TBC1D4: variants seen among roughly 807,000 people sequenced by gnomAD.
The protein encoded by TBC1D4 is TBC (Tre-2, BUB2, CDC16) domain-containing protein.
A neutral mutation model predicts 142.5 loss-of-function variants in TBC1D4; 121 were observed. The ratio of observed to expected loss-of-function variants is 0.85; its 90% confidence interval spans 0.73 to 0.99. TBC1D4 has a LOEUF of 0.99. TBC1D4 is among the 50% of genes least tolerant of loss of function. TBC1D4 has a pLI of 0.00. For synonymous variants in TBC1D4, 630 were observed against 628.2 expected, an observed-to-expected ratio of 1.00 and a Z score of -0.04; for missense variants, 1,475 against 1,606.6, an observed-to-expected ratio of 0.92 and a Z score of 1.40.
intron 8 of TBC1D4, among the ~76,000 whole-genome samples, chr13:75,330,789 A>C (rs944509043): frequency 6.6e-6 from 1 of 152,124 alleles, no homozygotes; most frequent in Non-Finnish European, 1.5e-5. Flanking sequence ...CTTCAGTTCT[A>C]TGTTATAATT....
chr13:75,364,047 T>C (rs998159578), intron 1 of TBC1D4, among the ~76,000 whole-genome samples: 5 of 152,126 alleles, frequency 3.3e-5, no homozygotes, highest in African/African-American at 1.2e-4. Flanking sequence ...TGTACATTGG[T>C]TCGATCCACA....
At chr13:75,356,369 G>T (rs1336008486) in intron 3 of TBC1D4, 118 bp from the exon 4 acceptor site, 2 of 758,780 alleles carry the variant, frequency 2.6e-6, no homozygotes, top group East Asian at 2.7e-5. Context: ...CTCCTTCACA[G>T]CAATGAAGGG....
rs11292930 is a variant in TBC1D4, at chr13:75,292,724, T to TAA, written c.3317-455_3317-454dup. Among the ~76,000 whole-genome samples, 4 of 141,342 alleles carry TAA rather than the reference T, an allele frequency of 2.8e-5. No individual in the cohort carries two copies. In the East Asian group the frequency reaches 8.5e-4, roughly 30 times the overall value. The allele number at this position is 141,342 out of a possible 152,430, so 92.7% of individuals were successfully genotyped here. On this transcript the variant is annotated intron_variant, in intron 18 of 20. Coordinates refer to ENST00000377636, the MANE Select transcript of TBC1D4 (RefSeq NM_014832.5). ...TTAAATCTATACCACACCAGGAAATTAAAAAAAAAAAAACATTAACAGAAA... is the reference window on the plus strand; with the variant it reads ...TTAAATCTATACCACACCAGGAAATTAAAAAAAAAAAAAAACATTAACAGAAA...
chr13:75,380,797 G>A (rs1220776572), intron 1 of TBC1D4, among the ~76,000 whole-genome samples: 1 of 152,152 alleles, frequency 6.6e-6, no homozygotes, highest in Non-Finnish European at 1.5e-5. Flanking sequence ...CACTGGAAGA[G>A]TTTTCATCAT....
intron 1 of TBC1D4, among the ~76,000 whole-genome samples, chr13:75,462,834 T>C (rs906302385): frequency 2.6e-5 from 4 of 152,154 alleles, no homozygotes; most frequent in African/African-American, 9.7e-5. Context: ...ACCTCCCCGC[T>C]GCTTGTAACA....
Position 75,378,100 on chromosome 13 carries a change from A to G in TBC1D4, c.499-15493T>C, listed in dbSNP as rs1593814081. Reference sequence around the variant, plus strand: ...GCTTTTTGTTAGTGTAAAATACATCAGCATGATTTTACTCCATATCTTTTG... The same window carrying G: ...GCTTTTTGTTAGTGTAAAATACATCGGCATGATTTTACTCCATATCTTTTG... On this transcript the variant is annotated intron_variant, in intron 1 of 20. Transcript: ENST00000377636. Among the ~76,000 whole-genome samples, 3 of 152,252 alleles carry G rather than the reference A, an allele frequency of 2.0e-5. No homozygotes were observed. The East Asian group carries it at 5.8e-4, about 29-fold the overall frequency.
At chr13:75,469,102 G>A (rs1230717899) in intron 1 of TBC1D4, among the ~76,000 whole-genome samples, 2 of 152,104 alleles carry the variant, frequency 1.3e-5, no homozygotes, top group African/African-American at 4.8e-5. Context: ...AACTAAGCTC[G>A]CAAAGAATGG....
chr13:75,331,397 G>A (rs1879731572), intron 8 of TBC1D4, among the ~76,000 whole-genome samples: 1 of 152,112 alleles, frequency 6.6e-6, no homozygotes, highest in Admixed American at 6.5e-5. Flanking sequence ...CTACTTGGGA[G>A]GCTAAGGCGG....
intron 3 of TBC1D4, among the ~76,000 whole-genome samples, chr13:75,358,808 G>A (rs547882927): frequency 6.6e-6 from 1 of 152,276 alleles, no homozygotes; most frequent in East Asian, 1.9e-4. Context: ...AGGCTGTAAT[G>A]AGCCATGATC....
intron 1 of TBC1D4, among the ~76,000 whole-genome samples, chr13:75,389,354 C>G (rs1884346940): frequency 6.6e-6 from 1 of 152,142 alleles, no homozygotes; most frequent in Non-Finnish European, 1.5e-5. Context: ...AAAGACAAAA[C>G]TATTCATCAT....
intron 1 of TBC1D4, among the ~76,000 whole-genome samples, chr13:75,446,500 T>G (rs968645445): frequency 1.3e-5 from 2 of 152,356 alleles, no homozygotes; most frequent in East Asian, 3.9e-4. Flanking sequence ...GAAGCTAACA[T>G]GAAATCAACA....
At chr13:75,469,051 G>C (rs892249548) in intron 1 of TBC1D4, among the ~76,000 whole-genome samples, 1 of 152,154 alleles carries the variant, frequency 6.6e-6, no homozygotes, top group African/African-American at 2.4e-5. Context: ...CTGAGGAAGT[G>C]ACATTTGCAA....
At chr13:75,359,305 AAATACAAAAATATT>A (rs1469731793) in intron 3 of TBC1D4, among the ~76,000 whole-genome samples, 2 of 152,262 alleles carry the variant, frequency 1.3e-5, no homozygotes, top group Non-Finnish European at 2.9e-5. Flanking sequence ...AAAAGAACAA[AAATACAAAAATATT>A]TTCAAAGTTT....
intron 16 of TBC1D4, among the ~76,000 whole-genome samples, chr13:75,301,593 A>C (rs1876556035): frequency 1.3e-5 from 2 of 151,806 alleles, no homozygotes; most frequent in Admixed American, 1.3e-4. Flanking sequence ...TGCAGTGAGC[A>C]GAGATCGTGC....
At chr13:75,372,470 A>G (rs970818540) in intron 1 of TBC1D4, among the ~76,000 whole-genome samples, 11 of 152,182 alleles carry the variant, frequency 7.2e-5, no homozygotes, top group African/African-American at 2.7e-4. Flanking sequence ...GAGTTTCATC[A>G]TGTTGGCCAG....
At chr13:75,336,768 A>G (rs1031099960) in intron 8 of TBC1D4, among the ~76,000 whole-genome samples, 153 bp downstream of exon 8, 2 of 152,196 alleles carry the variant, frequency 1.3e-5, no homozygotes, top group African/African-American at 4.8e-5. Flanking sequence ...AAAGAAAAAA[A>G]GATCCTTTTG....
chr13:75,400,957 T>C (rs977716773), intron 1 of TBC1D4, among the ~76,000 whole-genome samples: 2 of 152,196 alleles, frequency 1.3e-5, no homozygotes, highest in Non-Finnish European at 2.9e-5. Context: ...AACAAGTTTC[T>C]AGACTCTAGA....
At chr13:75,342,021 C>T (rs1449805290) in intron 5 of TBC1D4, among the ~76,000 whole-genome samples, 4 of 151,994 alleles carry the variant, frequency 2.6e-5, no homozygotes. Context: ...AGTTCTTTTA[C>T]ACCCTGTCTC....
intron 1 of TBC1D4, among the ~76,000 whole-genome samples, chr13:75,442,490 CA>C (rs1236119670): frequency 6.6e-6 from 1 of 151,964 alleles, no homozygotes. Flanking sequence ...CTAAAACTAA[CA>C]TTTAAGTTTG....
Sources: allele counts gnomAD v4.1 joint callset (sites outside exome capture counted in the v4.1 genomes callset), GRCh38; gene constraint gnomAD v4.1.1; transcripts MANE v1.5; gene names NCBI Gene and HGNC (gene_info 2026-07-23, HGNC 2026-07-21).